ABCB8: variants seen among roughly 807,000 people sequenced by gnomAD.
The protein encoded by ABCB8 is mitochondrial potassium channel ATP-binding subunit.
In ABCB8, 52 loss-of-function variants were observed where a neutral mutation model predicts 73.0. The observed-to-expected ratio is 0.71, with a 90% CI of 0.57 to 0.90. ABCB8 has a LOEUF of 0.90. Ranked by LOEUF, ABCB8 falls within the 40% of genes least tolerant of loss-of-function variation. The pLI, the probability that ABCB8 is intolerant of heterozygous loss-of-function variation, is 0.00. For missense variants in ABCB8, 909 were observed against 974.6 expected, an observed-to-expected ratio of 0.93 and a Z score of 0.90; for synonymous variants, 428 against 423.5, an observed-to-expected ratio of 1.01 and a Z score of -0.13.
At chr7:151,036,676 C>T (rs1365371960) in intron 9 of ABCB8, 27 bp downstream of exon 9, 1 of 1,555,010 alleles carries the variant, frequency 6.4e-7, no homozygotes. Context: ...CCCATTGCTA[C>T]AGAGCCCCCT....
intron 1 of ABCB8, chr7:151,033,337 T>C: frequency 8.5e-7 from 1 of 1,182,540 alleles, no homozygotes; most frequent in Non-Finnish European, 1.1e-6. Flanking sequence ...GGGCCCTGGC[T>C]GGCTGGGTGT....
At chr7:151,033,133 G>A (rs10952299) in intron 1 of ABCB8, 82,977 of 457,552 alleles carry the variant, frequency 0.18, 8,357 homozygotes, top group South Asian at 0.24. Flanking sequence ...CCAGGAGGTG[G>A]GGCTGTGTCT....
intron 8 of ABCB8, among the ~76,000 whole-genome samples, 167 bp from the exon 9 acceptor site, chr7:151,036,377 G>A (rs1474056378): frequency 6.6e-6 from 1 of 152,210 alleles, no homozygotes; most frequent in Non-Finnish European, 1.5e-5. Flanking sequence ...CCACCCTCAA[G>A]GAGGCCATGG....
At chr7:151,032,781 G>A (rs1352995760) in intron 1 of ABCB8, 1 of 317,752 alleles carries the variant, frequency 3.1e-6, no homozygotes, top group African/African-American at 2.2e-5. Context: ...GAAGGTAATT[G>A]TCCTATTCAA....
rs755234926 is a variant in ABCB8 at position 151,040,876 on chromosome 7, G to A, written c.1437G>A (p.Thr479=). ...AGGTGCTGAAAGACTTCACCCTGAC[G>A]CTGCCCCCTGGCAAGATCGTGGCCC... ...GFEVLKDFTL[T]LPPGKIVALV... The change falls in exon 12 of 16, where the codon ACG becomes ACA. Residue 479 remains threonine, a synonymous_variant. Coordinates refer to ENST00000358849, the MANE Select transcript of ABCB8 (RefSeq NM_007188.5). 37 of 1,605,748 alleles carry A rather than the reference G, an allele frequency of 2.3e-5. No homozygotes were observed. Among genetic ancestry groups the A allele is most frequent in the South Asian group, 2.2e-5 (2 of 89,946 alleles).
At position 151,041,199 on chromosome 7, in the gene ABCB8, G is replaced by A. The variant is rs1307892935; in HGVS notation, c.1584G>A (p.Trp528Ter). Residue 528 changes from tryptophan to a stop codon, truncating the protein, a stop_gained, in exon 13 of 16, where the codon TGG becomes TGA. Coordinates refer to ENST00000358849, the MANE Select transcript of ABCB8 (RefSeq NM_007188.5). LOFTEE classifies it high-confidence loss of function. ...ACCTGCGCACCCTTGACCCCTCCTG[G>A]CTCCGGGGCCAGGTTGTCGGCTTCA... ...GRDLRTLDPS[W>*]LRGQVVGFIS... 6.2e-7 allele frequency: 1 copy of A among 1,606,694 alleles called. No individual in the cohort carries two copies. The highest frequency in any genetic ancestry group is 8.5e-7 in the Non-Finnish European group (1 of 1,179,640).
At chr7:151,036,469 C>T (rs1223570220) in intron 8 of ABCB8, 75 bp from the exon 9 acceptor site, 2 of 1,300,240 alleles carry the variant, frequency 1.5e-6, no homozygotes, top group East Asian at 2.3e-5. Flanking sequence ...CTCTCCCAGT[C>T]AGCAGTGGCA....
Position 151,034,785 on chromosome 7 carries a change from G to T in ABCB8, c.721G>T (p.Asp241Tyr). The T allele has an allele frequency of 6.2e-7, 1 of 1,614,116 alleles. No individual in the cohort carries two copies. The highest frequency in any genetic ancestry group is 1.1e-5 in the South Asian group (1 of 91,080). Residue 241 changes from aspartate to tyrosine, a missense_variant, in exon 5 of 16, where the codon GAC becomes TAC. Coordinates refer to ENST00000358849, the MANE Select transcript of ABCB8 (RefSeq NM_007188.5). ...GCAGCTGGTGAGCCGCTTGACAACT[G>T]ACGTGCAGGAGTTTAAGTCATCCTT... ...TGQLVSRLTT[D>Y]VQEFKSSFKL...
Position 151,045,252 on chromosome 7 carries a change from C to T in ABCB8, c.2060C>T (p.Ala687Val), listed in dbSNP as rs146485225. Residue 687 changes from alanine (A) to valine (V), a missense_variant, in exon 16 of 16, where the codon GCC becomes GTC. Coordinates refer to ENST00000358849, the MANE Select transcript of ABCB8 (RefSeq NM_007188.5). ...EELLKKGGLY[A>V]ELIRRQALDA... ...CTCCTGAAGAAAGGCGGGCTATACG[C>T]CGAGCTCATCCGGAGGCAGGCCCTG... 6.2e-7 allele frequency: 1 copy of T among 1,603,970 alleles called. No homozygotes were observed. Among genetic ancestry groups the T allele is most frequent in the African/African-American group, 1.3e-5 (1 of 74,356 alleles).
chr7:151,029,324 A>G (rs981258037), intron 1 of ABCB8, among the ~76,000 whole-genome samples: 1 of 151,750 alleles, frequency 6.6e-6, no homozygotes. Context: ...AAAAGAGTCA[A>G]TCTAGTAACT....
intron 9 of ABCB8, chr7:151,039,859 A>T: frequency 5.5e-6 from 1 of 183,450 alleles, no homozygotes. Context: ...CCGCATCCTC[A>T]GGGCCGAGCA....
rs778384028 is a variant in ABCB8, at chr7:151,044,183, C to T, written c.1978C>T (p.His660Tyr). The change falls in exon 15 of 16, where the codon CAC becomes TAC. Residue 660 changes from histidine to tyrosine, a missense_variant. Physicochemically the swap from His to Tyr is moderately conservative, Grantham distance 83 (BLOSUM62 2). Transcript: ENST00000358849. Reference sequence around the variant, plus strand: ...CCGGCTCAGCACTGTCCGTGGGGCCCACTGCATTGTCGTCATGGCCGATGG... The same window carrying T: ...CCGGCTCAGCACTGTCCGTGGGGCCTACTGCATTGTCGTCATGGCCGATGG... ...AHRLSTVRGA[H>Y]CIVVMADGRV... is the part of the protein sequence containing the mutation. 6.2e-7 allele frequency: 1 copy of T among 1,607,422 alleles called. No individual in the cohort carries two copies. Among genetic ancestry groups the T allele is most frequent in the Non-Finnish European group, 8.5e-7 (1 of 1,174,442 alleles).
At chr7:151,030,475 A>G (rs1242568457) in intron 1 of ABCB8, among the ~76,000 whole-genome samples, 1 of 151,584 alleles carries the variant, frequency 6.6e-6, no homozygotes, top group Admixed American at 6.6e-5. Flanking sequence ...AGATTGTGCC[A>G]TTGCGCTCCA....
chr7:151,028,700 G>A (rs1584941691), intron 1 of ABCB8, 90 bp downstream of exon 1: 4 of 1,559,720 alleles, frequency 2.6e-6, no homozygotes, highest in East Asian at 4.7e-5. Flanking sequence ...ACGAGCTTGC[G>A]CGAGGCTTGC....
chr7:151,035,712 C>T lies in ABCB8; in HGVS notation c.897C>T (p.Leu299=), dbSNP rs888355948. ...TGGGCACCCTGATGGGCTCAGGCCT[C>T]CGAAAATTGTCTCGCCAGTGTCAGG... is the stretch of plus-strand genomic sequence containing the variant. ...MGVGTLMGSG[L]RKLSRQCQEQ... The change falls in exon 6 of 16, where the codon CTC becomes CTT. Residue 299 remains leucine, a synonymous_variant. Transcript: ENST00000358849. 15 of 1,613,462 alleles carry T rather than the reference C, an allele frequency of 9.3e-6. No homozygotes were observed. The African/African-American group carries it at 1.9e-4, about 20-fold the overall frequency.
At position 151,040,366 on chromosome 7, in the gene ABCB8, G is replaced by C. The variant is rs374706812; in HGVS notation, c.1251+65G>C. 341 of 1,602,048 alleles carry C rather than the reference G, an allele frequency of 2.1e-4. 4 individuals carry two copies. The South Asian group carries it at 3.8e-3, about 18-fold the overall frequency. ...TTGTGCCGTGTGTGCCGCTGTGGGA[G>C]CTGCCTATTGACTGGGTGTGGGCGG... is the stretch of plus-strand genomic sequence containing the variant. On this transcript the variant is annotated intron_variant, in intron 10 of 15. Transcript: ENST00000358849.
At position 151,036,106 on chromosome 7, in the gene ABCB8, C is replaced by G. The variant is rs1231694259; in HGVS notation, c.1047C>G (p.Cys349Trp). ...RYGAELEACR[C>W]RAEELGRGIA... ...GGGCAGAGCTGGAAGCCTGCCGCTG[C>G]CGGGCAGAGGAGCTGGGCCGCGGCA... Residue 349 changes from cysteine to tryptophan, a missense_variant, in exon 8 of 16, where the codon TGC (cysteine) becomes TGG (tryptophan). By Grantham distance (215) the Cys-to-Trp change is radical. Transcript: ENST00000358849. The G allele has an allele frequency of 3.1e-6, 5 of 1,613,348 alleles. No homozygotes were observed. In the Admixed American group the frequency reaches 5.0e-5, roughly 16 times the overall value.
chr7:151,032,959 G>A, intron 1 of ABCB8: 1 of 454,996 alleles, frequency 2.2e-6, no homozygotes, highest in East Asian at 7.0e-5. Flanking sequence ...CCTGGGTGCT[G>A]GAGTCAGACT....
intron 6 of ABCB8, 23 bp from the exon 7 acceptor site, chr7:151,035,859 C>T: frequency 1.9e-6 from 3 of 1,612,114 alleles, no homozygotes; most frequent in Admixed American, 1.7e-5. Context: ...GACTCCTTGT[C>T]CTGTTTCCTG....
Sources: allele counts gnomAD v4.1 joint callset (sites outside exome capture counted in the v4.1 genomes callset), GRCh38; gene constraint gnomAD v4.1.1; transcripts MANE v1.5; gene names NCBI Gene and HGNC (gene_info 2026-07-23, HGNC 2026-07-21).